TENM3: variants seen among roughly 807,000 people sequenced by gnomAD.
The protein encoded by TENM3 is teneurin transmembrane protein 3.
In TENM3, 63 loss-of-function variants were observed where a neutral mutation model predicts 255.1. The ratio of observed to expected loss-of-function variants is 0.25; its 90% CI spans 0.20 to 0.30. The LOEUF (loss-of-function observed/expected upper bound fraction) is 0.30. Ranked by LOEUF, TENM3 falls within the 10% of genes least tolerant of loss-of-function variation. The pLI is 1.00. For missense variants in TENM3, 2,929 were observed against 3,461.1 expected, an observed-to-expected ratio of 0.85 and a Z score of 3.86; for synonymous variants, 1,306 against 1,322.3, an observed-to-expected ratio of 0.99 and a Z score of 0.27.
chr4:182,372,116 C>T (rs1161541751), intron 3 of TENM3, among the ~76,000 whole-genome samples: 1 of 152,154 alleles, frequency 6.6e-6, no homozygotes, highest in Non-Finnish European at 1.5e-5. Flanking sequence ...AAATATACTT[C>T]CAGTTAGAAG....
At chr4:182,714,062 G>A (rs1486050479) in intron 12 of TENM3, 25 bp from the exon 13 acceptor site, 23 of 1,608,938 alleles carry the variant, frequency 1.4e-5, no homozygotes, top group Non-Finnish European at 2.0e-5. Flanking sequence ...CAAATCACTG[G>A]TGTTTTCCTT....
chr4:182,499,129 C>T (rs7666464), intron 3 of TENM3, among the ~76,000 whole-genome samples: 145 of 152,236 alleles, frequency 9.5e-4, no homozygotes, highest in African/African-American at 3.4e-3. Context: ...AGTGGTAGGA[C>T]TGTGAAATGA....
chr4:181,780,803 G>A, the TENM3 span, among the ~76,000 whole-genome samples: 114 of 152,292 alleles, frequency 7.5e-4, no homozygotes, highest in African/African-American at 2.6e-3. Context: ...TCTGTATAAG[G>A]TGTAAGGAAG....
chr4:181,938,968 A>G, the TENM3 span, among the ~76,000 whole-genome samples: 1 of 152,222 alleles, frequency 6.6e-6, no homozygotes, highest in African/African-American at 2.4e-5. Flanking sequence ...ATTGTACGTT[A>G]GCACTAAAGA....
At chr4:182,292,195 A>G (rs1761175588) in intron 1 of TENM3, among the ~76,000 whole-genome samples, 1 of 152,200 alleles carries the variant, frequency 6.6e-6, no homozygotes, top group Non-Finnish European at 1.5e-5. Context: ...AAAAAAATGT[A>G]GGATATTAGA....
chr4:181,543,363 T>G, the TENM3 span, among the ~76,000 whole-genome samples: 12 of 150,116 alleles, frequency 8.0e-5, no homozygotes, highest in Admixed American at 3.3e-4. Flanking sequence ...GGAGGAGGAG[T>G]AGGAGGAGAA....
At chr4:182,761,575 C>A (rs1763196724) in intron 22 of TENM3, among the ~76,000 whole-genome samples, 1 of 151,832 alleles carries the variant, frequency 6.6e-6, no homozygotes, top group African/African-American at 2.4e-5. Flanking sequence ...AAAAACTGAG[C>A]AGCCCACTTT....
the TENM3 span, among the ~76,000 whole-genome samples, chr4:181,911,582 T>C: frequency 6.6e-6 from 1 of 152,168 alleles, no homozygotes; most frequent in Non-Finnish European, 1.5e-5. Flanking sequence ...CTCATAGATA[T>C]CTAATTTGAG....
chr4:182,317,716 A>AATAT (rs138102605), intron 1 of TENM3, among the ~76,000 whole-genome samples: 1 of 149,938 alleles, frequency 6.7e-6, no homozygotes, highest in Non-Finnish European at 1.5e-5. Flanking sequence ...CACTACCAAA[A>AATAT]ATATATATAT....
At chr4:182,552,148 TTAAAAA>T (rs1742107914) in intron 3 of TENM3, among the ~76,000 whole-genome samples, 2 of 152,108 alleles carry the variant, frequency 1.3e-5, no homozygotes, top group Non-Finnish European at 2.9e-5. Context: ...GTTCCATGAC[TTAAAAA>T]TAATAACTTG....
Position 182,186,762 on chromosome 4 carries a change from CATATAT to C in TENM3, c.-76+42055_-76+42060del, listed in dbSNP as rs70954298. On this transcript the variant is annotated intron_variant, in intron 1 of 2. Transcript: ENST00000512480. ...TTGGGTAAGAAATATACTAATGCAT[CATATAT>C]ATATATATATATATATATATATATA... Among the ~76,000 whole-genome samples, 249 of 27,344 alleles carry C rather than the reference CATATAT, an allele frequency of 9.1e-3. 2 individuals are homozygous for C. The highest frequency in any genetic ancestry group is 0.029 in the Middle Eastern group (1 of 34). The allele number at this position is 27,344 out of a possible 152,430, so 17.9% of individuals were successfully genotyped here.
At chr4:182,433,879 A>G (rs1489550392) in intron 3 of TENM3, among the ~76,000 whole-genome samples, 1 of 152,022 alleles carries the variant, frequency 6.6e-6, no homozygotes, top group Non-Finnish European at 1.5e-5. Context: ...TCTTTGGGAG[A>G]CCAAAGTGGA....
chr4:181,949,908 A>T, the TENM3 span, among the ~76,000 whole-genome samples: 26 of 152,036 alleles, frequency 1.7e-4, no homozygotes, highest in Non-Finnish European at 7.4e-5. Context: ...CACTTCCTCC[A>T]GGCCTCTGCA....
At chr4:182,512,605 G>C (rs184899760) in intron 3 of TENM3, among the ~76,000 whole-genome samples, 8 of 152,096 alleles carry the variant, frequency 5.3e-5, no homozygotes, top group Non-Finnish European at 1.2e-4. Flanking sequence ...TAAAACATTT[G>C]ATTATTACCT....
the TENM3 span, among the ~76,000 whole-genome samples, chr4:181,668,501 C>T: frequency 1.1e-4 from 17 of 152,252 alleles, no homozygotes; most frequent in African/African-American, 2.9e-4. Context: ...GCTGCTGCTA[C>T]GGGTCTCTCT....
At chr4:181,715,264 A>G in the TENM3 span, among the ~76,000 whole-genome samples, 1 of 152,214 alleles carries the variant, frequency 6.6e-6, no homozygotes, top group Non-Finnish European at 1.5e-5. Flanking sequence ...ATGATATACC[A>G]GAGTTTGTCC....
At chr4:181,481,275 TCTC>T in the TENM3 span, among the ~76,000 whole-genome samples, 1 of 152,078 alleles carries the variant, frequency 6.6e-6, no homozygotes, top group African/African-American at 2.4e-5. Context: ...CCCACTACCA[TCTC>T]CTCCTCCTCA....
chr4:182,275,125 G>A (rs1426055533), intron 1 of TENM3, among the ~76,000 whole-genome samples: 2 of 152,064 alleles, frequency 1.3e-5, no homozygotes. Context: ...GCACCCAGCA[G>A]TATTTTTTAT....
the TENM3 span, among the ~76,000 whole-genome samples, chr4:181,848,381 A>G: frequency 6.6e-6 from 1 of 152,198 alleles, no homozygotes; most frequent in African/African-American, 2.4e-5. Context: ...AAAGTCCTTT[A>G]AAGTCTATCG....
Sources: gnomAD v4.1 joint callset for allele counts (sites outside exome capture counted in the v4.1 genomes callset) on GRCh38, gnomAD v4.1.1 for gene constraint, MANE v1.5 for transcripts, NCBI Gene and HGNC (gene_info 2026-07-23, HGNC 2026-07-21) for gene names.